The following EBF2 variants were observed in gnomAD, a reference collection of about 807,000 sequenced individuals.
EBF2 encodes EBF transcription factor 2.
In EBF2, 21 loss-of-function variants were observed where a neutral mutation model predicts 72.8. The observed-to-expected ratio is 0.29, with a 90% confidence interval of 0.20 to 0.42. The LOEUF is 0.42. Among genes scored for constraint, EBF2 ranks in the 10% least tolerant of loss-of-function variants. The pLI, the probability that EBF2 is intolerant of heterozygous loss-of-function variation, is 1.00. For missense variants in EBF2, 637 were observed against 731.2 expected (o/e 0.87, Z 1.49); for synonymous variants, 299 against 274.2 (o/e 1.09, Z -0.89).
intron 6 of EBF2, among the ~76,000 whole-genome samples, chr8:26,008,571 T>C (rs1275289685): frequency 6.6e-6 from 1 of 152,162 alleles, no homozygotes; most frequent in African/African-American, 2.4e-5. Context: ...GAGATCACTG[T>C]AATTAATAGG....
chr8:25,894,393 A>G (rs1175342066), intron 7 of EBF2, among the ~76,000 whole-genome samples: 1 of 152,228 alleles, frequency 6.6e-6, no homozygotes, highest in South Asian at 2.1e-4. Flanking sequence ...AGGAAGTGGA[A>G]TGCGCATTCC....
Position 25,908,570 on chromosome 8 carries a change from C to A in EBF2, c.552-15G>T. 5 of 1,538,840 alleles carry A rather than the reference C, an allele frequency of 3.2e-6. No individual in the cohort carries two copies. Among genetic ancestry groups the A allele is most frequent in the Non-Finnish European group, 4.5e-6 (5 of 1,122,396 alleles). ...TTAAAAAGAATCTGTGAAGAGAAAG[C>A]GATGTGTTACATTTTTCAGTAAACA... On this transcript the variant is annotated splice_polypyrimidine_tract_variant and intron_variant, in intron 6 of 15. Coordinates refer to ENST00000520164, the MANE Select transcript of EBF2 (RefSeq NM_022659.4).
chr8:25,959,691 G>T (rs1804006358), intron 6 of EBF2, among the ~76,000 whole-genome samples: 1 of 152,040 alleles, frequency 6.6e-6, no homozygotes, highest in South Asian at 2.1e-4. Context: ...AAACATCTTT[G>T]CCCCAGGTCC....
intron 6 of EBF2, among the ~76,000 whole-genome samples, chr8:26,018,151 T>C (rs1273303259): frequency 6.7e-6 from 1 of 149,686 alleles, no homozygotes; most frequent in Non-Finnish European, 1.5e-5. Flanking sequence ...AGCAAACAAA[T>C]GGCCCATTGA....
At chr8:26,020,403 A>C (rs1805185682) in intron 6 of EBF2, among the ~76,000 whole-genome samples, 1 of 152,216 alleles carries the variant, frequency 6.6e-6, no homozygotes, top group Admixed American at 6.5e-5. Context: ...CAGAGTTATA[A>C]ATGGGACACC....
At chr8:25,874,683 A>C (rs1802491678) in intron 10 of EBF2, among the ~76,000 whole-genome samples, 1 of 151,398 alleles carries the variant, frequency 6.6e-6, no homozygotes. Flanking sequence ...CTTTTAAAAA[A>C]TTATTTATTT....
Position 25,933,327 on chromosome 8 carries a change from G to A in EBF2, c.552-24772C>T, listed in dbSNP as rs1308561236. On this transcript the variant is annotated intron_variant, in intron 6 of 15. Coordinates refer to ENST00000520164, the MANE Select transcript of EBF2 (RefSeq NM_022659.4). ...CACTGCATGCAGAGAAATACAGATG[G>A]GAAAGCATTAAGAATGGACATATTA... Among the ~76,000 whole-genome samples, 18 of 152,184 alleles carry A rather than the reference G, an allele frequency of 1.2e-4. No individual in the cohort carries two copies. The East Asian group carries it at 3.3e-3, about 28-fold the overall frequency.
At chr8:25,917,552 GA>G (rs1247768029) in intron 6 of EBF2, among the ~76,000 whole-genome samples, 6 of 151,990 alleles carry the variant, frequency 3.9e-5, no homozygotes, top group African/African-American at 1.4e-4. Flanking sequence ...ATCCAGAAAA[GA>G]AAAAAGAACT....
chr8:25,847,791 T>G (rs994420177), intron 15 of EBF2, among the ~76,000 whole-genome samples: 2 of 152,146 alleles, frequency 1.3e-5, no homozygotes, highest in Admixed American at 1.3e-4. Flanking sequence ...ACACGTCACT[T>G]GATATTTTCA....
intron 6 of EBF2, among the ~76,000 whole-genome samples, chr8:25,951,412 C>T (rs190099680): frequency 2.4e-3 from 370 of 152,290 alleles, no homozygotes; most frequent in Non-Finnish European, 3.1e-3. Context: ...CTCCAGAATG[C>T]TAGTTGGCCC....
At chr8:26,002,745 C>T (rs1667832524) in intron 6 of EBF2, among the ~76,000 whole-genome samples, 1 of 152,180 alleles carries the variant, frequency 6.6e-6, no homozygotes, top group South Asian at 2.1e-4. Context: ...CCGGCTGCGT[C>T]TCTCCCCCTG....
chr8:25,851,587 A>G (rs1220700313), intron 14 of EBF2, among the ~76,000 whole-genome samples: 1 of 148,382 alleles, frequency 6.7e-6, no homozygotes, highest in Admixed American at 6.6e-5. Context: ...AACTTAAGAA[A>G]GGAGTAAACT....
intron 6 of EBF2, among the ~76,000 whole-genome samples, chr8:25,976,646 C>A (rs1174002470): frequency 1.3e-5 from 2 of 151,494 alleles, no homozygotes. Context: ...AAAAACAAAA[C>A]AAAACAAAAA....
At chr8:26,034,047 C>A (rs1805453406) in intron 5 of EBF2, among the ~76,000 whole-genome samples, 1 of 152,068 alleles carries the variant, frequency 6.6e-6, no homozygotes, top group Non-Finnish European at 1.5e-5. Context: ...ATATTTGTGG[C>A]TCAGTAAATA....
intron 5 of EBF2, among the ~76,000 whole-genome samples, chr8:26,036,630 A>G (rs553650628): frequency 6.6e-6 from 1 of 152,214 alleles, no homozygotes; most frequent in African/African-American, 2.4e-5. Context: ...TGCCAGCAAT[A>G]TTAGCACAAG....
intron 6 of EBF2, among the ~76,000 whole-genome samples, chr8:25,994,451 T>C (rs915904928): frequency 1.3e-5 from 2 of 152,224 alleles, no homozygotes; most frequent in Non-Finnish European, 2.9e-5. Flanking sequence ...TTAAAGAAGA[T>C]ATACATTCTA....
chr8:25,972,099 T>C (rs1446986369), intron 6 of EBF2, among the ~76,000 whole-genome samples: 2 of 152,168 alleles, frequency 1.3e-5, no homozygotes, highest in Non-Finnish European at 2.9e-5. Flanking sequence ...TACGTGGCTG[T>C]TCCCCGGAAT....
chr8:25,899,935 G>C (rs1200505199), intron 7 of EBF2, among the ~76,000 whole-genome samples: 1 of 152,116 alleles, frequency 6.6e-6, no homozygotes, highest in Admixed American at 6.5e-5. Context: ...TTCTGCCCTT[G>C]GTTCCCTTCT....
At chr8:26,041,323 C>T in intron 2 of EBF2, 1 of 393,358 alleles carries the variant, frequency 2.5e-6, no homozygotes, top group Non-Finnish European at 4.7e-6. Context: ...CCCAACCCAT[C>T]GGGCTCTGTC....
Sources: allele counts gnomAD v4.1 joint callset (sites outside exome capture counted in the v4.1 genomes callset), GRCh38; gene constraint gnomAD v4.1.1; transcripts MANE v1.5; gene names NCBI Gene and HGNC (gene_info 2026-07-23, HGNC 2026-07-21).